The following ZNF354B variants were observed in gnomAD, a reference collection of about 807,000 sequenced individuals.
ZNF354B encodes the protein zinc finger protein 354B.
A neutral mutation model predicts 12.9 loss-of-function variants in ZNF354B; 10 were observed. The ratio of observed to expected loss-of-function variants is 0.77; its 90% CI spans 0.48 to 1.31. ZNF354B has a LOEUF of 1.31. Among genes scored for constraint, ZNF354B ranks in the 40% most tolerant of loss-of-function variants. The pLI, the probability that ZNF354B is intolerant of heterozygous loss-of-function variation, is 0.00. For synonymous variants in ZNF354B, 260 were observed against 243.7 expected (o/e 1.07, Z -0.62); for missense variants, 614 against 711.7 (o/e 0.86, Z 1.56).
At chr5:178,869,854 T>G (rs1757535216) in intron 4 of ZNF354B, among the ~76,000 whole-genome samples, 1 of 152,278 alleles carries the variant, frequency 6.6e-6, no homozygotes. Context: ...GCTGACGTGC[T>G]TGCATCTCTG....
At chr5:178,870,529 CT>C (rs945077528) in intron 4 of ZNF354B, among the ~76,000 whole-genome samples, 1 of 152,236 alleles carries the variant, frequency 6.6e-6, no homozygotes, top group Admixed American at 6.5e-5. Context: ...ATCTGTCCCC[CT>C]CAGCCTCCCA....
At chr5:178,867,798 T>TA (rs1177672293) in intron 4 of ZNF354B, among the ~76,000 whole-genome samples, 1 of 152,198 alleles carries the variant, frequency 6.6e-6, no homozygotes, top group Non-Finnish European at 1.5e-5. Context: ...TGACATTAGT[T>TA]ACACTTGGAA....
Position 178,883,235 on chromosome 5 carries a change from A to G in ZNF354B, c.783A>G (p.Gln261=), listed in dbSNP as rs766888223. The G allele has an allele frequency of 1.6e-5, 26 of 1,612,490 alleles. No homozygotes were observed. The highest frequency in any genetic ancestry group is 2.7e-5 in the African/African-American group (2 of 74,788). ...AAAGTTCTGCTCTTATTCAACATCA[A>G]AGAACTCATACAGGAGAGAAACCCT... ...FSQSSALIQH[Q]RTHTGEKPYI... The change falls in exon 5 of 5, where the codon CAA becomes CAG. Residue 261 remains glutamine, a synonymous_variant. Transcript: ENST00000322434.
At chr5:178,873,978 C>G (rs1478702324) in intron 4 of ZNF354B, among the ~76,000 whole-genome samples, 2 of 135,118 alleles carry the variant, frequency 1.5e-5, no homozygotes, top group Non-Finnish European at 3.1e-5. Context: ...GAGATGGAGT[C>G]TCACACACTC....
intron 2 of ZNF354B, among the ~76,000 whole-genome samples, chr5:178,863,240 A>G (rs1215135350): frequency 6.6e-6 from 1 of 152,208 alleles, no homozygotes; most frequent in African/African-American, 2.4e-5. Context: ...TTATATATAT[A>G]CATATGTATA....
In ZNF354B at chr5:178,883,258, C is replaced by T. The variant is rs139530938; in HGVS notation, c.806C>T (p.Pro269Leu). Residue 269 changes from proline to leucine, a missense_variant, in exon 5 of 5, where the codon CCC becomes CTC. Coordinates refer to ENST00000322434, the MANE Select transcript of ZNF354B (RefSeq NM_058230.3). ...QHQRTHTGEKPYICKECGKAF... is the reference protein window; with the variant it reads ...QHQRTHTGEKLYICKECGKAF... ...CAAAGAACTCATACAGGAGAGAAACCCTATATATGTAAAGAATGTGGGAAA... is the reference window on the plus strand; with the variant it reads ...CAAAGAACTCATACAGGAGAGAAACTCTATATATGTAAAGAATGTGGGAAA... The T allele has an allele frequency of 6.2e-7, 1 of 1,612,968 alleles. No homozygotes were observed. The highest frequency in any genetic ancestry group is 1.3e-5 in the African/African-American group (1 of 74,880).
chr5:178,879,186 T>A (rs969819711), intron 4 of ZNF354B, among the ~76,000 whole-genome samples: 10 of 151,688 alleles, frequency 6.6e-5, no homozygotes, highest in Admixed American at 6.6e-4. Flanking sequence ...GTAGCTGGGA[T>A]TACAGGCATG....
At chr5:178,866,606 A>G (rs1213778209) in intron 3 of ZNF354B, among the ~76,000 whole-genome samples, 1 of 152,136 alleles carries the variant, frequency 6.6e-6, no homozygotes, top group Non-Finnish European at 1.5e-5. Context: ...ACAATTTCAC[A>G]TTAGAAATTC....
At chr5:178,882,608 A>G (rs1159869887) in intron 4 of ZNF354B, 101 bp from the exon 5 acceptor site, 2 of 1,231,058 alleles carry the variant, frequency 1.6e-6, no homozygotes, top group East Asian at 2.6e-5. Context: ...TTTTAGTCAT[A>G]TAGCAAACCC....
intron 2 of ZNF354B, among the ~76,000 whole-genome samples, chr5:178,864,311 A>G (rs1487810661): frequency 6.6e-6 from 1 of 152,184 alleles, no homozygotes; most frequent in Admixed American, 6.5e-5. Context: ...ATTGTCTTAC[A>G]GTTCTCTACA....
At chr5:178,878,012 T>C (rs1757662916) in intron 4 of ZNF354B, among the ~76,000 whole-genome samples, 1 of 152,228 alleles carries the variant, frequency 6.6e-6, no homozygotes. Flanking sequence ...GTAAGTAGTA[T>C]GCCACCATCT....
At position 178,866,310 on chromosome 5, in the gene ZNF354B, T is replaced by C. The variant is rs146919084; in HGVS notation, c.100T>C (p.Ser34Pro). The C allele has an allele frequency of 1.6e-3, 2,618 of 1,614,076 alleles. 9 individuals carry two copies. The highest frequency in any genetic ancestry group is 0.012 in the Middle Eastern group (75 of 6,062). Residue 34 changes from serine (S) to proline (P), a missense_variant, in exon 3 of 5, where the codon TCT becomes CCT. Transcript: ENST00000322434. ...GGATGAGTGGAGAAAGCTGGCTCCT[T>C]CTCAGAGAAACTTGTACCGGGATGT... is the stretch of plus-strand genomic sequence containing the variant. ...TWDEWRKLAP[S>P]QRNLYRDVML...
intron 4 of ZNF354B, among the ~76,000 whole-genome samples, chr5:178,872,411 A>G (rs1757578477): frequency 6.6e-6 from 1 of 152,192 alleles, no homozygotes; most frequent in Non-Finnish European, 1.5e-5. Flanking sequence ...GATTATTTAC[A>G]GTTTTTGGCA....
At chr5:178,863,464 C>T (rs1201107667) in intron 2 of ZNF354B, among the ~76,000 whole-genome samples, 1 of 152,138 alleles carries the variant, frequency 6.6e-6, no homozygotes, top group Non-Finnish European at 1.5e-5. Flanking sequence ...CAGGGCTTTG[C>T]TCCTGTTTTG....
At chr5:178,879,657 G>A (rs1221191067) in intron 4 of ZNF354B, among the ~76,000 whole-genome samples, 1 of 152,182 alleles carries the variant, frequency 6.6e-6, no homozygotes, top group African/African-American at 2.4e-5. Context: ...AGGATTACAG[G>A]TGTGAGCCGC....
At chr5:178,877,373 G>A (rs906487193) in intron 4 of ZNF354B, among the ~76,000 whole-genome samples, 1 of 152,044 alleles carries the variant, frequency 6.6e-6, no homozygotes, top group Admixed American at 6.5e-5. Context: ...TTTCCCCATT[G>A]GCCAGGCTGG....
intron 2 of ZNF354B, among the ~76,000 whole-genome samples, chr5:178,864,523 A>G (rs1015314223): frequency 6.6e-6 from 1 of 152,186 alleles, no homozygotes; most frequent in Non-Finnish European, 1.5e-5. Flanking sequence ...TATATTTCAT[A>G]TGTACAATAG....
chr5:178,862,327 C>T (rs191607069), intron 2 of ZNF354B, among the ~76,000 whole-genome samples: 14 of 150,888 alleles, frequency 9.3e-5, no homozygotes, highest in African/African-American at 3.4e-4. Flanking sequence ...GATGCAGCCA[C>T]GCGATACCAG....
chr5:178,881,212 A>G (rs1358552956), intron 4 of ZNF354B, among the ~76,000 whole-genome samples: 1 of 152,098 alleles, frequency 6.6e-6, no homozygotes. Context: ...TCATTTGTCA[A>G]TGTCTTGAAA....
Sources: allele counts gnomAD v4.1 joint callset (sites outside exome capture counted in the v4.1 genomes callset), GRCh38; gene constraint gnomAD v4.1.1; transcripts MANE v1.5; gene names NCBI Gene and HGNC (gene_info 2026-07-23, HGNC 2026-07-21).